SNTB1: variants seen among roughly 807,000 people sequenced by gnomAD.
The protein encoded by SNTB1 is beta-1-syntrophin.
Under a neutral mutation model 48.9 loss-of-function variants are expected in SNTB1, and 36 were observed. That is an observed-to-expected ratio of 0.74 (90% CI 0.56 to 0.97). The LOEUF (loss-of-function observed/expected upper bound fraction) is 0.97. Ranked by LOEUF, SNTB1 falls within the 50% of genes least tolerant of loss-of-function variation. SNTB1 has a pLI of 0.00. For missense variants in SNTB1, 786 were observed against 703.4 expected (o/e 1.12, Z -1.33); for synonymous variants, 299 against 294.6 (o/e 1.01, Z -0.15).
intron 4 of SNTB1, among the ~76,000 whole-genome samples, chr8:120,568,175 C>T (rs1019907673): frequency 7.2e-5 from 11 of 152,090 alleles, no homozygotes; most frequent in Non-Finnish European, 1.3e-4. Flanking sequence ...CCCCACAACC[C>T]GCCAGAAACC....
intron 1 of SNTB1, 79 bp downstream of exon 1, chr8:120,811,194 T>G: frequency 6.6e-7 from 1 of 1,504,424 alleles, no homozygotes; most frequent in Non-Finnish European, 8.8e-7. Flanking sequence ...GCCGAGTGAG[T>G]GTGAGTGTGA....
chr8:120,717,964 C>T (rs1026099464), intron 1 of SNTB1, among the ~76,000 whole-genome samples: 2 of 152,204 alleles, frequency 1.3e-5, no homozygotes, highest in Admixed American at 6.5e-5. Context: ...CCTGAGCAGT[C>T]CTGCCCTTTG....
intron 6 of SNTB1, among the ~76,000 whole-genome samples, chr8:120,540,711 T>C (rs1815271803): frequency 6.6e-6 from 1 of 152,130 alleles, no homozygotes; most frequent in African/African-American, 2.4e-5. Flanking sequence ...TTTTGAAAGT[T>C]AGAAAAATGC....
chr8:120,694,678 A>T (rs375646050), intron 1 of SNTB1, among the ~76,000 whole-genome samples: 16 of 151,856 alleles, frequency 1.1e-4, no homozygotes, highest in African/African-American at 3.4e-4. Context: ...GAGAAAGCAA[A>T]GCATATACTA....
chr8:120,569,767 G>A (rs141336584), intron 4 of SNTB1, among the ~76,000 whole-genome samples: 78 of 152,310 alleles, frequency 5.1e-4, no homozygotes, highest in Admixed American at 1.6e-3. Context: ...AGCCACAGGT[G>A]GCTATTGGAC....
intron 3 of SNTB1, among the ~76,000 whole-genome samples, chr8:120,623,512 G>A (rs966128610): frequency 1.3e-5 from 2 of 152,220 alleles, no homozygotes; most frequent in African/African-American, 4.8e-5. Flanking sequence ...TGCAAAATAT[G>A]CTTCCCAGTG....
At chr8:120,791,118 A>G (rs1331738905) in intron 1 of SNTB1, among the ~76,000 whole-genome samples, 1 of 151,904 alleles carries the variant, frequency 6.6e-6, no homozygotes, top group Non-Finnish European at 1.5e-5. Flanking sequence ...AGACACATAG[A>G]CCATTGGAAC....
chr8:120,633,152 G>A (rs1179013855), intron 2 of SNTB1, among the ~76,000 whole-genome samples: 2 of 152,150 alleles, frequency 1.3e-5, no homozygotes, highest in African/African-American at 4.8e-5. Flanking sequence ...TTAATCAATT[G>A]AGAATATTTT....
chr8:120,640,666 T>A (rs939958359), intron 2 of SNTB1, among the ~76,000 whole-genome samples: 1 of 152,238 alleles, frequency 6.6e-6, no homozygotes, highest in Non-Finnish European at 1.5e-5. Context: ...GTTCTGTTTA[T>A]ATGCTGGATT....
At chr8:120,678,117 G>A (rs962430518) in intron 2 of SNTB1, among the ~76,000 whole-genome samples, 11 of 152,098 alleles carry the variant, frequency 7.2e-5, no homozygotes, top group East Asian at 1.9e-4. Flanking sequence ...GAAAGTGTGC[G>A]CATAAAGGGT....
intron 1 of SNTB1, among the ~76,000 whole-genome samples, chr8:120,782,298 G>A (rs189066293): frequency 6.6e-5 from 10 of 152,160 alleles, no homozygotes; most frequent in Admixed American, 5.2e-4. Flanking sequence ...TTGAGATACT[G>A]GAGTTAAGAT....
chr8:120,569,573 G>A (rs1462266097), intron 4 of SNTB1, among the ~76,000 whole-genome samples: 2 of 152,294 alleles, frequency 1.3e-5, no homozygotes, highest in East Asian at 1.9e-4. Context: ...CCTGCGAGAC[G>A]ACATCCCTCC....
chr8:120,649,420 C>T (rs201937320), intron 2 of SNTB1, among the ~76,000 whole-genome samples: 42,738 of 126,296 alleles, frequency 0.34, 7,034 homozygotes, highest in Non-Finnish European at 0.44. Context: ...GTTGGAGTAC[C>T]CTGCCGTGTG....
At chr8:120,772,569 T>C (rs1196925754) in intron 1 of SNTB1, among the ~76,000 whole-genome samples, 1 of 152,132 alleles carries the variant, frequency 6.6e-6, no homozygotes, top group Non-Finnish European at 1.5e-5. Flanking sequence ...TTAAAATGTG[T>C]GTGTGTTTGT....
At chr8:120,625,899 C>T (rs750272995) in intron 3 of SNTB1, among the ~76,000 whole-genome samples, 1 of 152,146 alleles carries the variant, frequency 6.6e-6, no homozygotes, top group Non-Finnish European at 1.5e-5. Flanking sequence ...CTGGAAGAAG[C>T]AGTGAGAAAT....
intron 1 of SNTB1, among the ~76,000 whole-genome samples, chr8:120,774,173 A>G (rs1276823993): frequency 6.6e-6 from 1 of 152,230 alleles, no homozygotes; most frequent in Non-Finnish European, 1.5e-5. Flanking sequence ...TTAAATGTGG[A>G]GAGAGTGAGC....
chr8:120,795,155 A>G (rs1007672150), intron 1 of SNTB1, among the ~76,000 whole-genome samples: 1 of 152,132 alleles, frequency 6.6e-6, no homozygotes, highest in Non-Finnish European at 1.5e-5. Flanking sequence ...TATTTTATTC[A>G]GCAATGATAC....
At chr8:120,717,781 C>T (rs1469202121) in intron 1 of SNTB1, among the ~76,000 whole-genome samples, 2 of 152,128 alleles carry the variant, frequency 1.3e-5, no homozygotes, top group African/African-American at 4.8e-5. Context: ...GGGTCAGAAG[C>T]TGTTTGTTCA....
intron 3 of SNTB1, among the ~76,000 whole-genome samples, chr8:120,620,772 A>G (rs898510181): frequency 6.6e-6 from 1 of 151,852 alleles, no homozygotes; most frequent in Non-Finnish European, 1.5e-5. Flanking sequence ...TCTGCCTGAA[A>G]CTTTGTAAAA....
Sources: gnomAD v4.1 joint callset for allele counts (sites outside exome capture counted in the v4.1 genomes callset) on GRCh38, gnomAD v4.1.1 for gene constraint, MANE v1.5 for transcripts, NCBI Gene and HGNC (gene_info 2026-07-23, HGNC 2026-07-21) for gene names.